SNX29: variants seen among roughly 807,000 people sequenced by gnomAD.
The protein encoded by SNX29 is sorting nexin 29.
A neutral mutation model predicts 102.1 loss-of-function variants in SNX29; 78 were observed. The ratio of observed to expected loss-of-function variants is 0.76; its 90% CI spans 0.64 to 0.92. The LOEUF is 0.92. Among genes scored for constraint, SNX29 ranks in the 40% least tolerant of loss-of-function variants. The probability of loss-of-function intolerance (pLI) is 0.00; values close to 1 mark genes in which losing one functional copy is unlikely to be tolerated. For missense variants in SNX29, 1,280 were observed against 1,061.7 expected, an observed-to-expected ratio of 1.21 and a Z score of -2.86; for synonymous variants, 580 against 414.5, an observed-to-expected ratio of 1.40 and a Z score of -4.85.
chr16:12,418,350 G>A (rs1188990827), intron 18 of SNX29, among the ~76,000 whole-genome samples: 1 of 150,796 alleles, frequency 6.6e-6, no homozygotes, highest in African/African-American at 2.4e-5. Context: ...GGATGTTCAT[G>A]TTGACGATGA....
At chr16:12,184,995 TCTG>T (rs2076476801) in intron 13 of SNX29, among the ~76,000 whole-genome samples, 1 of 152,206 alleles carries the variant, frequency 6.6e-6, no homozygotes, top group Admixed American at 6.5e-5. Flanking sequence ...CAACAGCAGT[TCTG>T]CTGTGGATGC....
intron 13 of SNX29, among the ~76,000 whole-genome samples, chr16:12,161,789 G>A (rs896778878): frequency 1.3e-5 from 2 of 151,758 alleles, no homozygotes; most frequent in African/African-American, 4.8e-5. Context: ...TCTCTTGCCT[G>A]TGGCACGCCA....
chr16:12,502,305 G>T (rs551652235), intron 19 of SNX29, among the ~76,000 whole-genome samples: 1 of 152,124 alleles, frequency 6.6e-6, no homozygotes, highest in African/African-American at 2.4e-5. Flanking sequence ...ATGTCACCTC[G>T]CTGTGCCTCA....
At chr16:12,064,505 C>T (rs559906412) in intron 9 of SNX29, among the ~76,000 whole-genome samples, 5 of 152,216 alleles carry the variant, frequency 3.3e-5, no homozygotes, top group Admixed American at 6.5e-5. Context: ...TGACGTGTGC[C>T]GGCGTCAGCC....
intron 19 of SNX29, among the ~76,000 whole-genome samples, chr16:12,518,356 C>T (rs955080588): frequency 8.5e-5 from 13 of 152,220 alleles, no homozygotes; most frequent in African/African-American, 2.9e-4. Flanking sequence ...AACCCAGCCA[C>T]ACCGGCTGCC....
At chr16:12,310,532 C>A (rs2080504149) in intron 15 of SNX29, among the ~76,000 whole-genome samples, 2 of 151,484 alleles carry the variant, frequency 1.3e-5, no homozygotes, top group African/African-American at 2.4e-5. Flanking sequence ...AAAAAAAAGA[C>A]CATAAGGAGC....
chr16:12,438,246 C>T (rs1160519650), intron 18 of SNX29, among the ~76,000 whole-genome samples: 1 of 152,192 alleles, frequency 6.6e-6, no homozygotes, highest in African/African-American at 2.4e-5. Context: ...GCAGGCAGTT[C>T]ACTGCAGGCG....
At chr16:12,120,392 C>G (rs2053922203) in intron 11 of SNX29, among the ~76,000 whole-genome samples, 2 of 152,196 alleles carry the variant, frequency 1.3e-5, no homozygotes, top group Non-Finnish European at 2.9e-5. Context: ...TTGCACAGAT[C>G]TATGTATATA....
At chr16:12,540,600 A>C (rs528754422) in intron 20 of SNX29, among the ~76,000 whole-genome samples, 1 of 152,150 alleles carries the variant, frequency 6.6e-6, no homozygotes, top group African/African-American at 2.4e-5. Context: ...TGGGACCCTG[A>C]GATTCCATGG....
At chr16:12,033,151 G>A (rs1312694964) in intron 4 of SNX29, among the ~76,000 whole-genome samples, 22 of 152,084 alleles carry the variant, frequency 1.4e-4, no homozygotes, top group Admixed American at 9.8e-4. Context: ...CACTGTGCCC[G>A]GCCAATGCTG....
At chr16:12,525,444 G>A (rs1320039460) in intron 20 of SNX29, among the ~76,000 whole-genome samples, 7 of 152,072 alleles carry the variant, frequency 4.6e-5, no homozygotes, top group African/African-American at 1.4e-4. Context: ...AGGCTGAGGC[G>A]GGTGGATCAC....
intron 15 of SNX29, among the ~76,000 whole-genome samples, chr16:12,354,609 G>A (rs1026655397): frequency 2.6e-5 from 4 of 152,220 alleles, no homozygotes; most frequent in Admixed American, 6.5e-5. Context: ...CACATTGGCA[G>A]GTATTTAGCA....
chr16:12,164,176 G>A (rs2055911734), intron 13 of SNX29, among the ~76,000 whole-genome samples: 2 of 152,142 alleles, frequency 1.3e-5, no homozygotes, highest in Admixed American at 6.5e-5. Context: ...ACAGGGAAGG[G>A]CATATGCAAA....
intron 5 of SNX29, among the ~76,000 whole-genome samples, chr16:12,043,355 AT>A (rs149579871): frequency 0.024 from 3,373 of 140,218 alleles, 55 homozygotes; most frequent in African/African-American, 0.062. Context: ...CACTTTCTGG[AT>A]TTTTTTTTTT....
chr16:12,240,595 T>TC (rs1157254796), intron 14 of SNX29, among the ~76,000 whole-genome samples: 1 of 117,606 alleles, frequency 8.5e-6, no homozygotes, highest in Non-Finnish European at 1.7e-5. Context: ...CTTTTTTTTT[T>TC]TTTTTTTTTT....
intron 12 of SNX29, among the ~76,000 whole-genome samples, chr16:12,127,645 C>G (rs1256972545): frequency 1.3e-5 from 2 of 152,144 alleles, no homozygotes; most frequent in African/African-American, 2.4e-5. Flanking sequence ...TGGTCTTGAA[C>G]TTCTGAGCTT....
chr16:12,123,797 AG>A (rs1189110278), intron 11 of SNX29, among the ~76,000 whole-genome samples: 4 of 152,202 alleles, frequency 2.6e-5, no homozygotes, highest in African/African-American at 9.7e-5. Flanking sequence ...TTTTCTGGAA[AG>A]GGCTGGACAG....
chr16:12,065,272 G>T (rs2050980356), intron 9 of SNX29, among the ~76,000 whole-genome samples: 1 of 152,084 alleles, frequency 6.6e-6, no homozygotes, highest in African/African-American at 2.4e-5. Flanking sequence ...GGGAGTATGT[G>T]GTGTCTATAC....
At chr16:12,440,049 T>C (rs556198783) in intron 18 of SNX29, among the ~76,000 whole-genome samples, 1 of 152,284 alleles carries the variant, frequency 6.6e-6, no homozygotes, top group African/African-American at 2.4e-5. Flanking sequence ...GAGTCTCATG[T>C]ATAAAATGGG....
Sources: allele counts gnomAD v4.1 joint callset (sites outside exome capture counted in the v4.1 genomes callset), GRCh38; gene constraint gnomAD v4.1.1; transcripts MANE v1.5; gene names NCBI Gene and HGNC (gene_info 2026-07-23, HGNC 2026-07-21).